The following CD86 variants were observed in gnomAD, a reference collection of about 807,000 sequenced individuals.
The protein encoded by CD86 is T-lymphocyte activation antigen CD86.
In CD86, 11 loss-of-function variants were observed where a neutral mutation model predicts 32.1. The ratio of observed to expected loss-of-function variants is 0.34; its 90% CI spans 0.22 to 0.57. CD86 has a LOEUF of 0.57. Ranked by LOEUF, CD86 falls within the 20% of genes least tolerant of loss-of-function variation. The pLI is 0.86. For missense variants in CD86, 359 were observed against 398.4 expected (o/e 0.90, Z 0.84); for synonymous variants, 137 against 135.3 (o/e 1.01, Z -0.09).
At chr3:122,076,922 G>A (rs936588299) in intron 1 of CD86, among the ~76,000 whole-genome samples, 3 of 152,078 alleles carry the variant, frequency 2.0e-5, no homozygotes, top group Admixed American at 6.5e-5. Context: ...ACTGGACTTC[G>A]GACCACCAGT....
At chr3:122,118,520 T>A (rs1393410136) in intron 6 of CD86, among the ~76,000 whole-genome samples, 1 of 152,230 alleles carries the variant, frequency 6.6e-6, no homozygotes, top group Non-Finnish European at 1.5e-5. Flanking sequence ...CCTGTTTAGA[T>A]GTTCTTCTGC....
chr3:122,065,968 C>G (rs1486831137), intron 1 of CD86, among the ~76,000 whole-genome samples: 1 of 151,998 alleles, frequency 6.6e-6, no homozygotes, highest in Non-Finnish European at 1.5e-5. Context: ...TATGGCTGAC[C>G]CAAGATTCTG....
At chr3:122,109,232 C>A in intron 4 of CD86, 33 bp from the exon 5 acceptor site, 1 of 1,605,190 alleles carries the variant, frequency 6.2e-7, no homozygotes, top group South Asian at 1.1e-5. Context: ...AAATGACTCT[C>A]CTGGCTGATT....
At chr3:122,057,542 G>A (rs999770991) in intron 1 of CD86, among the ~76,000 whole-genome samples, 4 of 152,138 alleles carry the variant, frequency 2.6e-5, no homozygotes, top group Non-Finnish European at 5.9e-5. Context: ...TAGGTAGTTT[G>A]TATTTTCTAC....
chr3:122,092,633 A>T (rs2072843066), intron 2 of CD86, among the ~76,000 whole-genome samples: 1 of 151,850 alleles, frequency 6.6e-6, no homozygotes, highest in Admixed American at 6.6e-5. Context: ...GTATCCTGTG[A>T]CTCAGTGTCT....
chr3:122,109,482 G>A lies in CD86; in HGVS notation c.847+74G>A, dbSNP rs569219231. On this transcript the variant is annotated intron_variant, in intron 5 of 6. Transcript: ENST00000330540. ...CCCAATCGGCTGGCTGCCTTCCGGAGCTTGTTGGCTGAGCCTAGACTGGCA... is the reference window on the plus strand; with the variant it reads ...CCCAATCGGCTGGCTGCCTTCCGGAACTTGTTGGCTGAGCCTAGACTGGCA... 2.1e-5 allele frequency: 33 copies of A among 1,553,824 alleles called. No homozygotes were observed. In the Admixed American group the frequency reaches 3.5e-4, roughly 17 times the overall value.
intron 5 of CD86, 47 bp from the exon 6 acceptor site, chr3:122,118,001 T>C: frequency 6.6e-7 from 1 of 1,524,198 alleles, no homozygotes; most frequent in South Asian, 1.1e-5. Context: ...CTTCTTTTGG[T>C]ATCTAGGAGG....
intron 1 of CD86, chr3:122,078,040 T>G: frequency 1.0e-6 from 1 of 985,530 alleles, no homozygotes; most frequent in East Asian, 1.1e-4. Flanking sequence ...CAGGCATTTG[T>G]GACAGGTATG....
At chr3:122,071,854 A>T (rs939337247) in intron 1 of CD86, among the ~76,000 whole-genome samples, 13 of 147,952 alleles carry the variant, frequency 8.8e-5, no homozygotes, top group African/African-American at 2.7e-4. Flanking sequence ...TTAGGAGGTA[A>T]ATCTCCTAAT....
intron 1 of CD86, among the ~76,000 whole-genome samples, 196 bp downstream of exon 1, chr3:122,055,699 T>TTA: frequency 6.6e-6 from 1 of 152,204 alleles, no homozygotes; most frequent in East Asian, 1.9e-4. Flanking sequence ...TTGGTGGTAG[T>TTA]TATATATATT....
intron 2 of CD86, 69 bp downstream of exon 2, chr3:122,091,719 C>T (rs574218976): frequency 7.0e-6 from 9 of 1,290,050 alleles, no homozygotes; most frequent in African/African-American, 1.5e-5. Flanking sequence ...CCACAGCAAG[C>T]CCAGGCCTGA....
chr3:122,110,149 A>G (rs931645940), intron 5 of CD86, among the ~76,000 whole-genome samples: 4 of 152,230 alleles, frequency 2.6e-5, no homozygotes, highest in African/African-American at 9.6e-5. Context: ...TCAATGTCAT[A>G]AATATCATTC....
chr3:122,064,933 G>C (rs1304949174), intron 1 of CD86, among the ~76,000 whole-genome samples: 1 of 152,182 alleles, frequency 6.6e-6, no homozygotes, highest in African/African-American at 2.4e-5. Context: ...GAATCAGATA[G>C]AAATCCTGTT....
intron 1 of CD86, among the ~76,000 whole-genome samples, chr3:122,056,198 G>A (rs903074656): frequency 5.9e-5 from 9 of 152,278 alleles, no homozygotes; most frequent in Middle Eastern, 3.4e-3. Flanking sequence ...TTCATAAGGG[G>A]TAGAGCTAAA....
intron 1 of CD86, among the ~76,000 whole-genome samples, chr3:122,087,937 C>T (rs1271466630): frequency 6.6e-6 from 1 of 152,086 alleles, no homozygotes; most frequent in African/African-American, 2.4e-5. Context: ...AGTGCTTCTC[C>T]CCACTGTGTG....
intron 1 of CD86, among the ~76,000 whole-genome samples, chr3:122,069,312 G>A (rs1230857509): frequency 6.6e-6 from 1 of 152,010 alleles, no homozygotes; most frequent in Non-Finnish European, 1.5e-5. Context: ...ATTCCAAATT[G>A]TGCAATTACA....
intron 2 of CD86, among the ~76,000 whole-genome samples, chr3:122,097,457 C>T (rs999692094): frequency 3.9e-5 from 6 of 152,148 alleles, no homozygotes; most frequent in Admixed American, 1.3e-4. Context: ...CTTACTACGA[C>T]GGTATAATCA....
At chr3:122,108,896 G>T (rs73858127) in intron 4 of CD86, among the ~76,000 whole-genome samples, 10 of 152,172 alleles carry the variant, frequency 6.6e-5, no homozygotes, top group South Asian at 2.1e-4. Flanking sequence ...GACTGCAGAG[G>T]GGGGCAGGAT....
chr3:122,101,505 A>ATAT (rs1559909685), intron 2 of CD86, among the ~76,000 whole-genome samples: 4 of 45,486 alleles, frequency 8.8e-5, no homozygotes, highest in South Asian at 1.1e-3. Context: ...GAAAAAAAAA[A>ATAT]AAAAAAAAAT....
Sources: gnomAD v4.1 joint callset for allele counts (sites outside exome capture counted in the v4.1 genomes callset) on GRCh38, gnomAD v4.1.1 for gene constraint, MANE v1.5 for transcripts, NCBI Gene and HGNC (gene_info 2026-07-23, HGNC 2026-07-21) for gene names.